Variants in SWT1 observed in about 807,000 individuals in gnomAD.
SWT1 encodes SWT1 RNA endoribonuclease homolog.
SWT1 carries 33 observed loss-of-function variants against 107.3 expected under a neutral mutation model. That is an observed-to-expected ratio of 0.31 (90% CI 0.23 to 0.41). The LOEUF is 0.41. Among genes scored for constraint, SWT1 ranks in the 10% least tolerant of loss-of-function variants. The pLI, the probability that SWT1 is intolerant of heterozygous loss-of-function variation, is 1.00. For synonymous variants in SWT1, 345 were observed against 348.3 expected (o/e 0.99, Z 0.11); for missense variants, 898 against 1,028.9 (o/e 0.87, Z 1.74).
chr1:185,231,674 G>T lies in SWT1; in HGVS notation c.2407G>T (p.Ala803Ser), dbSNP rs1558060016. ...ATTTATATGTCTTCAAAAGTTAATG[G>T]CAGCTGTGAGGGATATTCTTGAAGG... ...EAFICLQKLM[A>S]AVRDILEGIQ... Residue 803 changes from alanine to serine, a missense_variant, in exon 16 of 19, where the codon GCA becomes TCA. Ala to Ser is a moderately conservative substitution (Grantham distance 99, BLOSUM62 1). Around this residue, in one of 6 missense-constraint regions of SWT1, gnomAD observed 382 missense variants for 460.0 expected, o/e 0.83. Transcript: ENST00000367500. 2 of 1,607,456 alleles carry T rather than the reference G, an allele frequency of 1.2e-6. No homozygotes were observed. The highest frequency in any genetic ancestry group is 1.7e-5 in the Admixed American group (1 of 59,976).
At chr1:185,226,974 T>G (rs1660115964) in intron 15 of SWT1, 4 of 884,600 alleles carry the variant, frequency 4.5e-6, no homozygotes, top group Non-Finnish European at 7.5e-6. Flanking sequence ...AGCATGAGCT[T>G]TCTTACACAT....
intron 16 of SWT1, among the ~76,000 whole-genome samples, chr1:185,231,981 CTG>C (rs1298224935): frequency 6.6e-6 from 1 of 152,068 alleles, no homozygotes; most frequent in African/African-American, 2.4e-5. Flanking sequence ...AGAAACAAAA[CTG>C]AGTTGATTTT....
intron 5 of SWT1, among the ~76,000 whole-genome samples, chr1:185,177,267 CATT>C (rs1297525409): frequency 6.6e-6 from 1 of 152,180 alleles, no homozygotes; most frequent in African/African-American, 2.4e-5. Flanking sequence ...CAGTGATCAT[CATT>C]GTGTCATTGC....
chr1:185,202,816 A>C lies in SWT1; in HGVS notation c.1669+17A>C, dbSNP rs200325267. 4.1e-5 allele frequency: 57 copies of C among 1,395,112 alleles called. No homozygotes were observed. In the African/African-American group the frequency reaches 7.6e-4, roughly 19 times the overall value. 86.4% of individuals were successfully genotyped at this position (1,395,112 alleles called of 1,614,324 possible). A position where few individuals can be genotyped will look rare whatever the true frequency, so the allele number is the denominator to read the frequency against. The stretch of plus-strand genomic sequence containing the variant: ...TGAAAGCAGGTAGTATTTTTACTAT[A>C]AATAATTAGAGATATATCTTATTTT... On this transcript the variant is annotated intron_variant, in intron 11 of 18. Coordinates refer to ENST00000367500, the MANE Select transcript of SWT1 (RefSeq NM_017673.7).
intron 15 of SWT1, among the ~76,000 whole-genome samples, chr1:185,229,371 C>G (rs143913621): frequency 2.6e-4 from 40 of 152,108 alleles, no homozygotes; most frequent in Non-Finnish European, 5.1e-4. Context: ...CCTGGCAATC[C>G]TATGACTGGT....
At chr1:185,193,169 G>A (rs1657102360) in intron 10 of SWT1, among the ~76,000 whole-genome samples, 1 of 151,904 alleles carries the variant, frequency 6.6e-6, no homozygotes, top group Admixed American at 6.6e-5. Flanking sequence ...GATGTTTGTT[G>A]CCTAATTCTA....
At chr1:185,249,863 T>G (rs1365623913) in intron 16 of SWT1, among the ~76,000 whole-genome samples, 1 of 152,218 alleles carries the variant, frequency 6.6e-6, no homozygotes, top group Non-Finnish European at 1.5e-5. Flanking sequence ...AAAAGGAAGC[T>G]GCAATTGAGG....
chr1:185,253,267 C>T (rs1662195296), intron 16 of SWT1, among the ~76,000 whole-genome samples: 1 of 150,306 alleles, frequency 6.7e-6, no homozygotes, highest in African/African-American at 2.5e-5. Flanking sequence ...GCAATGCAGG[C>T]TCTTTTTTGG....
intron 18 of SWT1, among the ~76,000 whole-genome samples, chr1:185,278,247 A>T (rs1571697782): frequency 6.6e-6 from 1 of 152,218 alleles, no homozygotes; most frequent in East Asian, 1.9e-4. Context: ...GTATCAGAAG[A>T]TGGGGCCTTT....
At chr1:185,255,202 A>G (rs1367278980) in intron 16 of SWT1, among the ~76,000 whole-genome samples, 1 of 152,108 alleles carries the variant, frequency 6.6e-6, no homozygotes, top group South Asian at 2.1e-4. Flanking sequence ...ACTTCCAAGT[A>G]TGTGGTCAGT....
rs1217509881 is a variant in SWT1, at chr1:185,231,677, G to A, written c.2410G>A (p.Ala804Thr). The A allele has an allele frequency of 1.2e-6, 2 of 1,606,740 alleles. No homozygotes were observed. The highest frequency in any genetic ancestry group is 4.5e-5 in the East Asian group (2 of 44,718). ...TATATGTCTTCAAAAGTTAATGGCAGCTGTGAGGGATATTCTTGAAGGAAT... is the reference window on the plus strand; with the variant it reads ...TATATGTCTTCAAAAGTTAATGGCAACTGTGAGGGATATTCTTGAAGGAAT... ...AFICLQKLMA[A>T]VRDILEGIQR... The change falls in exon 16 of 19, where the codon GCT becomes ACT. Residue 804 changes from alanine (A) to threonine (T), a missense_variant. By Grantham distance (58) the Ala-to-Thr change is moderately conservative. This residue lies in a region of SWT1 where 382 missense variants were observed against 460.0 expected (regional missense o/e 0.83). Coordinates refer to ENST00000367500, the MANE Select transcript of SWT1 (RefSeq NM_017673.7).
At chr1:185,252,075 G>T (rs570596932) in intron 16 of SWT1, among the ~76,000 whole-genome samples, 2 of 152,194 alleles carry the variant, frequency 1.3e-5, no homozygotes, top group African/African-American at 4.8e-5. Context: ...ATAGTTTACT[G>T]AGAATGATGA....
intron 5 of SWT1, among the ~76,000 whole-genome samples, chr1:185,179,556 C>T (rs1043291555): frequency 2.0e-5 from 3 of 152,114 alleles, no homozygotes; most frequent in African/African-American, 7.2e-5. Flanking sequence ...GTGCATTGTT[C>T]AGCTTTTCTT....
In SWT1 at chr1:185,190,546, C is replaced by T. The variant is rs1195898105; in HGVS notation, c.1430-3C>T. On this transcript the variant is annotated splice_polypyrimidine_tract_variant and splice_region_variant and intron_variant, in intron 9 of 18. Coordinates refer to ENST00000367500, the MANE Select transcript of SWT1 (RefSeq NM_017673.7). ...CTGACTGTTGCCTTTACTAAATTTGCAGATGGATTGAGTGATGAGAACAAT... is the reference window on the plus strand; with the variant it reads ...CTGACTGTTGCCTTTACTAAATTTGTAGATGGATTGAGTGATGAGAACAAT... 1 of 1,580,308 alleles carries T rather than the reference C, an allele frequency of 6.3e-7. No individual in the cohort carries two copies. Among genetic ancestry groups the T allele is most frequent in the Non-Finnish European group, 8.7e-7 (1 of 1,150,892 alleles).
chr1:185,257,763 G>A (rs1662711481), intron 16 of SWT1: 1 of 153,550 alleles, frequency 6.5e-6, no homozygotes, highest in Non-Finnish European at 1.4e-5. Context: ...GCTGGTAGCT[G>A]TAGACCAGAG....
In SWT1 at chr1:185,168,662, T is replaced by G. The variant is rs1649253767; in HGVS notation, c.224+264T>G. Among the ~76,000 whole-genome samples, 3 of 152,246 alleles carry G rather than the reference T, an allele frequency of 2.0e-5. No individual in the cohort carries two copies. In the South Asian group the frequency reaches 6.2e-4, roughly 31 times the overall value. The stretch of plus-strand genomic sequence containing the variant: ...TCTCAAGTGATTTGATTTTGGCACA[T>G]GATTGTAACATGCGTAACTTCATTA... On this transcript the variant is annotated intron_variant, in intron 4 of 18. Coordinates refer to ENST00000367500, the MANE Select transcript of SWT1 (RefSeq NM_017673.7).
intron 16 of SWT1, among the ~76,000 whole-genome samples, chr1:185,267,688 T>C (rs1166318543): frequency 6.6e-6 from 1 of 152,244 alleles, no homozygotes; most frequent in Admixed American, 6.5e-5. Context: ...TATGAATTTC[T>C]TTTTAAAGGA....
intron 18 of SWT1, among the ~76,000 whole-genome samples, chr1:185,284,244 C>A (rs1374917616): frequency 6.6e-6 from 1 of 152,130 alleles, no homozygotes; most frequent in Non-Finnish European, 1.5e-5. Flanking sequence ...TGCTATTTGG[C>A]CATTTGTATA....
intron 13 of SWT1, among the ~76,000 whole-genome samples, chr1:185,212,014 C>T (rs1235341062): frequency 1.3e-5 from 2 of 150,746 alleles, no homozygotes; most frequent in African/African-American, 2.4e-5. Flanking sequence ...AATGAGAACA[C>T]GTGGACACAG....
Sources: gnomAD v4.1 joint callset for allele counts (sites outside exome capture counted in the v4.1 genomes callset) on GRCh38, gnomAD v4.1.1 for gene constraint, gnomAD v4.1.1 regional missense constraint, MANE v1.5 for transcripts, NCBI Gene and HGNC (gene_info 2026-07-23, HGNC 2026-07-21) for gene names.